Variants in C12orf50 observed in about 807,000 individuals in gnomAD.
C12orf50 encodes the protein uncharacterized protein C12orf50.
Under a neutral mutation model 61.6 loss-of-function variants are expected in C12orf50, and 35 were observed. The observed-to-expected ratio is 0.57, with a 90% CI of 0.43 to 0.75. The LOEUF (loss-of-function observed/expected upper bound fraction) is 0.75. Ranked by LOEUF, C12orf50 falls within the 30% of genes least tolerant of loss-of-function variation. The pLI, the probability that C12orf50 is intolerant of heterozygous loss-of-function variation, is 0.00. For missense variants in C12orf50, 475 were observed against 488.5 expected (o/e 0.97, Z 0.26); for synonymous variants, 178 against 161.5 (o/e 1.10, Z -0.77).
chr12:87,990,664 G>A (rs1219238647), intron 7 of C12orf50, among the ~76,000 whole-genome samples: 3 of 151,878 alleles, frequency 2.0e-5, no homozygotes, highest in Non-Finnish European at 2.9e-5. Context: ...CACTTACTAC[G>A]GATTTTTCCC....
intron 3 of C12orf50, among the ~76,000 whole-genome samples, chr12:88,021,256 A>G (rs1232203851): frequency 2.6e-5 from 4 of 151,830 alleles, no homozygotes; most frequent in African/African-American, 9.7e-5. Context: ...TGATTTTTTG[A>G]AAAAATTAAT....
At chr12:88,004,285 A>G (rs2031768924) in intron 3 of C12orf50, among the ~76,000 whole-genome samples, 2 of 152,220 alleles carry the variant, frequency 1.3e-5, no homozygotes, top group Non-Finnish European at 2.9e-5. Flanking sequence ...GCCAACAAGC[A>G]TATGAAAAAA....
intron 3 of C12orf50, among the ~76,000 whole-genome samples, chr12:88,003,389 C>A (rs1013660928): frequency 3.9e-5 from 6 of 151,930 alleles, no homozygotes; most frequent in Non-Finnish European, 8.8e-5. Context: ...TACACAACTA[C>A]CTTTATCAGC....
At chr12:87,985,669 A>T (rs2030771082) in intron 11 of C12orf50, 181 bp downstream of exon 11, 1 of 646,528 alleles carries the variant, frequency 1.5e-6, no homozygotes, top group Admixed American at 2.9e-5. Context: ...TTTCTTCCAT[A>T]TCCTTTAAAT....
intron 3 of C12orf50, among the ~76,000 whole-genome samples, chr12:88,022,152 A>G (rs1393746142): frequency 2.0e-5 from 3 of 151,956 alleles, no homozygotes; most frequent in Non-Finnish European, 4.4e-5. Flanking sequence ...CATCATGATC[A>G]AGTATGCCAT....
intron 3 of C12orf50, among the ~76,000 whole-genome samples, chr12:88,010,088 A>G (rs1413831173): frequency 6.6e-6 from 1 of 151,990 alleles, no homozygotes; most frequent in Non-Finnish European, 1.5e-5. Flanking sequence ...ATCCGTTTCC[A>G]TAATGTAGTG....
At chr12:88,014,312 A>AT (rs961668706) in intron 3 of C12orf50, among the ~76,000 whole-genome samples, 3 of 151,760 alleles carry the variant, frequency 2.0e-5, no homozygotes, top group Non-Finnish European at 4.4e-5. Context: ...TTATTTATTT[A>AT]TTTTTTAGAG....
At chr12:87,980,878 T>C (rs2030432062) in intron 12 of C12orf50, among the ~76,000 whole-genome samples, 1 of 152,190 alleles carries the variant, frequency 6.6e-6, no homozygotes, top group African/African-American at 2.4e-5. Flanking sequence ...TGGCAGCTTG[T>C]GTTTTCTGCC....
intron 1 of C12orf50, among the ~76,000 whole-genome samples, chr12:88,027,582 T>A (rs1220672290): frequency 6.6e-6 from 1 of 152,234 alleles, no homozygotes; most frequent in Non-Finnish European, 1.5e-5. Context: ...GAATTTTAAT[T>A]ATTGTATTAT....
intron 3 of C12orf50, among the ~76,000 whole-genome samples, chr12:88,018,688 C>A (rs2032401835): frequency 1.3e-5 from 2 of 152,216 alleles, no homozygotes; most frequent in South Asian, 4.1e-4. Context: ...GCCACAGGGG[C>A]AGAGCAACCC....
intron 9 of C12orf50, 126 bp from the exon 10 acceptor site, chr12:87,986,542 T>G (rs994716293): frequency 9.3e-6 from 5 of 539,416 alleles, no homozygotes; most frequent in Non-Finnish European, 1.5e-5. Context: ...TGCACCATCC[T>G]AACACTTTAC....
Position 88,021,593 on chromosome 12 carries a change from G to A in C12orf50, c.133+4895C>T, listed in dbSNP as rs144027945. On this transcript the variant is annotated intron_variant, in intron 3 of 12. Coordinates refer to ENST00000298699, the MANE Select transcript of C12orf50 (RefSeq NM_152589.3). ...CCAGAGGTTGCAGTGAGCCAAGATC[G>A]CACCACTGCATTCCAGTCTGGGTGA... Among the ~76,000 whole-genome samples, 542 of 151,910 alleles carry A rather than the reference G, an allele frequency of 3.6e-3. 16 individuals carry two copies. In the East Asian group the frequency reaches 0.084, roughly 24 times the overall value.
chr12:88,026,808 T>A, intron 2 of C12orf50, 143 bp downstream of exon 2: 1 of 1,367,912 alleles, frequency 7.3e-7, no homozygotes. Flanking sequence ...TGTTCCTCCA[T>A]TAAGTTGAAA....
At chr12:88,017,187 A>G (rs2032342582) in intron 3 of C12orf50, among the ~76,000 whole-genome samples, 1 of 152,208 alleles carries the variant, frequency 6.6e-6, no homozygotes, top group Non-Finnish European at 1.5e-5. Context: ...AAATTCCCAC[A>G]TATCATGGAA....
In C12orf50 at chr12:87,986,500, C is replaced by A. The variant is rs143950120; in HGVS notation, c.818-84G>T. The A allele has an allele frequency of 7.2e-4, 645 of 900,830 alleles. 5 individuals are homozygous for A. Among genetic ancestry groups the A allele is most frequent in the South Asian group, 1.8e-3 (104 of 56,466 alleles). The allele number at this position is 900,830 out of a possible 1,614,324, so 55.8% of individuals were successfully genotyped here. On this transcript the variant is annotated intron_variant, in intron 9 of 12. Transcript: ENST00000298699. Reference sequence around the variant, plus strand: ...TGTAGGTGATAATTACATATCTGTGCATTCACATGTCAAGCAAGAGGAAAA... The same window carrying A: ...TGTAGGTGATAATTACATATCTGTGAATTCACATGTCAAGCAAGAGGAAAA...
intron 3 of C12orf50, among the ~76,000 whole-genome samples, chr12:88,002,980 G>A (rs555830291): frequency 6.6e-6 from 1 of 151,646 alleles, no homozygotes; most frequent in African/African-American, 2.4e-5. Flanking sequence ...TCCTTTCTGT[G>A]CTACTATTGT....
In C12orf50 at chr12:87,989,330, C is replaced by T; in HGVS notation, c.634G>A (p.Val212Ile). ...YVPQRVIFLG[V>I]DESEALTEEK... ...TCAGTTAAAGCTTCACTTTCATCGA[C>T]TCCAAGAAATATGACCCTCTGTGGA... The change falls in exon 8 of 13, where the codon GTC becomes ATC. Residue 212 changes from valine to isoleucine, a missense_variant. Physicochemically the swap from Val to Ile is conservative, Grantham distance 29 (BLOSUM62 3). Transcript: ENST00000298699. 1.2e-6 allele frequency: 2 copies of T among 1,612,012 alleles called. No individual in the cohort carries two copies. The highest frequency in any genetic ancestry group is 3.3e-5 in the Admixed American group (2 of 59,800).
intron 9 of C12orf50, 33 bp downstream of exon 9, chr12:87,987,817 T>G (rs1166755824): frequency 1.5e-6 from 2 of 1,375,842 alleles, no homozygotes; most frequent in Admixed American, 3.6e-5. Flanking sequence ...CAAATATATC[T>G]GAGGCCAAAA....
chr12:87,981,666 C>T (rs1403245192), intron 12 of C12orf50, among the ~76,000 whole-genome samples: 1 of 152,020 alleles, frequency 6.6e-6, no homozygotes, highest in Non-Finnish European at 1.5e-5. Context: ...CTTTCTGGTG[C>T]TTATCCTTTT....
Sources: gnomAD v4.1 joint callset for allele counts (sites outside exome capture counted in the v4.1 genomes callset) on GRCh38, gnomAD v4.1.1 for gene constraint, MANE v1.5 for transcripts, NCBI Gene and HGNC (gene_info 2026-07-23, HGNC 2026-07-21) for gene names.